Variants in LRRC4C observed in about 807,000 individuals in gnomAD.
LRRC4C encodes leucine-rich repeat-containing protein 4C.
A neutral mutation model predicts 33.6 loss-of-function variants in LRRC4C; 5 were observed. The ratio of observed to expected loss-of-function variants is 0.15; its 90% confidence interval spans 0.08 to 0.31. The LOEUF (loss-of-function observed/expected upper bound fraction) is 0.31. Ranked by LOEUF, LRRC4C falls within the 10% of genes least tolerant of loss-of-function variation. The pLI, the probability that LRRC4C is intolerant of heterozygous loss-of-function variation, is 1.00. For synonymous variants in LRRC4C, 329 were observed against 302.0 expected (o/e 1.09, Z -0.93); for missense variants, 560 against 796.7 (o/e 0.70, Z 3.58).
chr11:40,152,053 C>G (rs1338716827), intron 5 of LRRC4C, among the ~76,000 whole-genome samples: 2 of 152,024 alleles, frequency 1.3e-5, no homozygotes, highest in African/African-American at 4.8e-5. Context: ...ACCGGCAATC[C>G]CAAGAGGAAC....
intron 2 of LRRC4C, among the ~76,000 whole-genome samples, chr11:40,766,085 A>G (rs1311193162): frequency 4.3e-5 from 1 of 23,326 alleles, no homozygotes; most frequent in Non-Finnish European, 1.2e-4. Flanking sequence ...AGCAGCAAGA[A>G]AAAAAAAAAA....
chr11:40,598,669 T>G (rs1027386), intron 3 of LRRC4C, among the ~76,000 whole-genome samples: 77,690 of 152,024 alleles, frequency 0.51, 20,209 homozygotes, highest in East Asian at 0.75. Flanking sequence ...ATGTTTTATT[T>G]AATATGTACC....
intron 1 of LRRC4C, among the ~76,000 whole-genome samples, chr11:41,073,029 G>A (rs1938825272): frequency 6.6e-6 from 1 of 152,148 alleles, no homozygotes; most frequent in Non-Finnish European, 1.5e-5. Flanking sequence ...CTGCTATATT[G>A]AGTGCACAAT....
At chr11:41,422,576 C>G (rs1459957720) in intron 1 of LRRC4C, among the ~76,000 whole-genome samples, 1 of 152,010 alleles carries the variant, frequency 6.6e-6, no homozygotes, top group Non-Finnish European at 1.5e-5. Flanking sequence ...TTTCATGATA[C>G]CTTGGTTCCA....
intron 2 of LRRC4C, among the ~76,000 whole-genome samples, chr11:40,814,000 C>A (rs1951600963): frequency 6.6e-6 from 1 of 152,198 alleles, no homozygotes; most frequent in Admixed American, 6.5e-5. Context: ...TGGCTGCTTT[C>A]ACAGGCTAGC....
chr11:41,269,654 C>T (rs1413940703), intron 1 of LRRC4C, among the ~76,000 whole-genome samples: 7 of 152,056 alleles, frequency 4.6e-5, no homozygotes, highest in African/African-American at 1.4e-4. Flanking sequence ...GTGGGAGCTA[C>T]TGACACACGC....
intron 1 of LRRC4C, among the ~76,000 whole-genome samples, chr11:41,218,500 A>G (rs971985691): frequency 6.6e-6 from 1 of 152,222 alleles, no homozygotes; most frequent in African/African-American, 2.4e-5. Context: ...CGCCTGAGCT[A>G]AGGCAGGGCT....
chr11:40,406,292 A>G (rs1027245472), intron 3 of LRRC4C, among the ~76,000 whole-genome samples: 11 of 152,094 alleles, frequency 7.2e-5, no homozygotes, highest in African/African-American at 2.4e-4. Flanking sequence ...TTCTATAAAG[A>G]CTTCTGTGCT....
chr11:40,372,944 A>T (rs939138374), intron 3 of LRRC4C, among the ~76,000 whole-genome samples: 2 of 152,150 alleles, frequency 1.3e-5, no homozygotes, highest in African/African-American at 4.8e-5. Context: ...AATTAGAGCA[A>T]GTTGAATAAC....
intron 1 of LRRC4C, among the ~76,000 whole-genome samples, chr11:40,984,207 G>T (rs879290180): frequency 7.1e-6 from 1 of 141,842 alleles, no homozygotes; most frequent in Non-Finnish European, 1.5e-5. Context: ...TAGGAAGGAA[G>T]GAAAGAAGGA....
intron 1 of LRRC4C, among the ~76,000 whole-genome samples, chr11:41,245,341 A>T (rs942309411): frequency 6.6e-6 from 1 of 152,100 alleles, no homozygotes; most frequent in Non-Finnish European, 1.5e-5. Flanking sequence ...AGGGTGAGCC[A>T]GGCATGGAGC....
chr11:40,815,248 C>T (rs1951659810), intron 2 of LRRC4C, among the ~76,000 whole-genome samples: 2 of 152,112 alleles, frequency 1.3e-5, no homozygotes, highest in African/African-American at 4.8e-5. Flanking sequence ...TGTAGGGGAC[C>T]TCCCTTTACA....
intron 1 of LRRC4C, among the ~76,000 whole-genome samples, chr11:41,002,758 A>C (rs1417129502): frequency 1.3e-5 from 2 of 152,220 alleles, no homozygotes; most frequent in Non-Finnish European, 2.9e-5. Context: ...AGAAAAGTAG[A>C]AAGTCAATAT....
At chr11:40,169,582 A>G (rs933618206) in intron 5 of LRRC4C, among the ~76,000 whole-genome samples, 10 of 152,192 alleles carry the variant, frequency 6.6e-5, no homozygotes, top group Admixed American at 3.9e-4. Flanking sequence ...GATTTGCAAT[A>G]TAATACTTTG....
At chr11:41,442,947 T>C (rs979320409) in intron 1 of LRRC4C, among the ~76,000 whole-genome samples, 14 of 152,162 alleles carry the variant, frequency 9.2e-5, no homozygotes, top group African/African-American at 2.9e-4. Flanking sequence ...GCATGTATGA[T>C]TCTCATTTAA....
rs184975635 is a variant in LRRC4C, at chr11:40,451,219, T to C, written c.-269-131498A>G. On this transcript the variant is annotated intron_variant, in intron 3 of 6. Transcript: ENST00000528697. ...ACAGTGAAAAATAATAGAAAAAAAT[T>C]AGTGCATCAAAAGCCAGCTGCCTAG... 7.3e-5 allele frequency among the ~76,000 whole-genome samples: 11 copies of C among 151,388 alleles called. No individual in the cohort carries two copies. In the East Asian group the frequency reaches 2.1e-3, roughly 29 times the overall value.
intron 3 of LRRC4C, among the ~76,000 whole-genome samples, chr11:40,631,713 G>A (rs1439963095): frequency 6.6e-6 from 1 of 152,064 alleles, no homozygotes; most frequent in Non-Finnish European, 1.5e-5. Flanking sequence ...GCTTGGAATA[G>A]CGCTCTGCAA....
chr11:40,864,609 C>A (rs2135880604), intron 2 of LRRC4C, among the ~76,000 whole-genome samples: 1 of 152,298 alleles, frequency 6.6e-6, no homozygotes, highest in South Asian at 2.1e-4. Context: ...AAACCCATGG[C>A]TCACCTGCTC....
intron 2 of LRRC4C, among the ~76,000 whole-genome samples, chr11:40,848,901 C>A (rs1179072287): frequency 6.6e-6 from 1 of 152,024 alleles, no homozygotes; most frequent in African/African-American, 2.4e-5. Context: ...TTATCTAATG[C>A]CTTTCTTTGT....
Sources: allele counts gnomAD v4.1 joint callset (sites outside exome capture counted in the v4.1 genomes callset), GRCh38; gene constraint gnomAD v4.1.1; transcripts MANE v1.5; gene names NCBI Gene and HGNC (gene_info 2026-07-23, HGNC 2026-07-21).